Variants in MECOM observed in about 807,000 individuals in gnomAD.
MECOM encodes histone-lysine N-methyltransferase MECOM.
MECOM carries 13 observed loss-of-function variants against 116.3 expected under a neutral mutation model. That is an observed-to-expected ratio of 0.11 (90% CI 0.07 to 0.18). The LOEUF (loss-of-function observed/expected upper bound fraction) is 0.18, where lower values mean the gene tolerates loss of function less well. Among genes scored for constraint, MECOM ranks in the 10% least tolerant of loss-of-function variants. The pLI is 1.00. For missense variants in MECOM, 1,299 were observed against 1,509.0 expected, an observed-to-expected ratio of 0.86 and a Z score of 2.31; for synonymous variants, 528 against 535.2, an observed-to-expected ratio of 0.99 and a Z score of 0.19.
At chr3:169,388,323 T>A (rs1214103292) in intron 1 of MECOM, among the ~76,000 whole-genome samples, 3 of 152,188 alleles carry the variant, frequency 2.0e-5, no homozygotes, top group Non-Finnish European at 4.4e-5. Context: ...AGCAGAGGAC[T>A]TCGGGAGCCA....
intron 1 of MECOM, among the ~76,000 whole-genome samples, chr3:169,536,944 G>A (rs1294504400): frequency 3.3e-5 from 5 of 152,044 alleles, no homozygotes; most frequent in South Asian, 2.1e-4. Context: ...TATAGATGGG[G>A]AAACTGCAGC....
intron 1 of MECOM, among the ~76,000 whole-genome samples, chr3:169,465,177 C>T (rs1446180746): frequency 3.3e-5 from 5 of 152,080 alleles, no homozygotes; most frequent in African/African-American, 9.7e-5. Flanking sequence ...TTAAGACAGC[C>T]TTGTTTAAAG....
intron 2 of MECOM, chr3:169,147,770 G>C: frequency 1.0e-6 from 1 of 970,702 alleles, no homozygotes; most frequent in Non-Finnish European, 1.2e-6. Context: ...GTGTGTGAGA[G>C]AGAGAGAGAT....
At chr3:169,526,154 A>G (rs1757945911) in intron 1 of MECOM, among the ~76,000 whole-genome samples, 1 of 152,180 alleles carries the variant, frequency 6.6e-6, no homozygotes, top group Non-Finnish European at 1.5e-5. Flanking sequence ...CGAGAATTAG[A>G]TTGGATTTGA....
intron 2 of MECOM, among the ~76,000 whole-genome samples, chr3:169,284,716 G>T (rs1292352327): frequency 1.3e-5 from 2 of 152,058 alleles, no homozygotes; most frequent in African/African-American, 2.4e-5. Flanking sequence ...GGACATAGAG[G>T]TTCACAAAGC....
At chr3:169,448,531 T>C (rs1005369958) in intron 1 of MECOM, among the ~76,000 whole-genome samples, 1 of 152,190 alleles carries the variant, frequency 6.6e-6, no homozygotes, top group Non-Finnish European at 1.5e-5. Context: ...CACCTGTAAA[T>C]TTGGGATATT....
At chr3:169,652,227 T>A (rs1775009830) in intron 1 of MECOM, among the ~76,000 whole-genome samples, 1 of 152,120 alleles carries the variant, frequency 6.6e-6, no homozygotes, top group South Asian at 2.1e-4. Flanking sequence ...CTCACAGGAG[T>A]CTGGGACCCA....
chr3:169,607,181 C>T (rs894786077), intron 1 of MECOM, among the ~76,000 whole-genome samples: 5 of 152,200 alleles, frequency 3.3e-5, no homozygotes, highest in Admixed American at 1.3e-4. Context: ...TTCTCCCAAG[C>T]GCCACAGCAG....
chr3:169,398,560 T>C (rs1368358921), intron 1 of MECOM, among the ~76,000 whole-genome samples: 1 of 152,228 alleles, frequency 6.6e-6, no homozygotes. Flanking sequence ...AAAGTTCTTT[T>C]GTGACTGGTC....
chr3:169,633,990 A>C (rs886731232), intron 1 of MECOM, among the ~76,000 whole-genome samples: 1 of 151,884 alleles, frequency 6.6e-6, no homozygotes, highest in Non-Finnish European at 1.5e-5. Flanking sequence ...TCCACACCAC[A>C]GCCCTGCTGT....
intron 1 of MECOM, among the ~76,000 whole-genome samples, chr3:169,537,248 A>G (rs888043228): frequency 9.2e-5 from 14 of 152,348 alleles, no homozygotes; most frequent in African/African-American, 3.4e-4. Flanking sequence ...ATGTACCTGC[A>G]GTTATAGTTT....
rs1267676472 is a variant in MECOM, at chr3:169,663,483, T to C, written c.-111A>G. On this transcript the variant is annotated 5_prime_UTR_variant, in exon 1 of 17. Transcript: ENST00000651503. Reference sequence around the variant, plus strand: ...CCTCCCTCTCTCTCCTGTCTCTCTCTCTCTCTCTCTCTCTCTCTCTCTCTC... The same window carrying C: ...CCTCCCTCTCTCTCCTGTCTCTCTCCCTCTCTCTCTCTCTCTCTCTCTCTC... The C allele has an allele frequency of 1.3e-4, 20 of 149,142 alleles. No homozygotes were observed. Among genetic ancestry groups the C allele is most frequent in the African/African-American group, 3.0e-4 (4 of 13,454 alleles). 9.2% of individuals were successfully genotyped at this position (149,142 alleles called of 1,614,324 possible). A position where few individuals can be genotyped will look rare whatever the true frequency, so the allele number is the denominator to read the frequency against.
chr3:169,378,425 GA>G (rs1033369063), intron 2 of MECOM, among the ~76,000 whole-genome samples: 3 of 72,452 alleles, frequency 4.1e-5, no homozygotes, highest in Non-Finnish European at 7.2e-5. Context: ...AAGAAAGAAA[GA>G]AAGAAAGAAA....
chr3:169,555,942 A>C (rs1291986383), intron 1 of MECOM, among the ~76,000 whole-genome samples: 1 of 152,256 alleles, frequency 6.6e-6, no homozygotes, highest in African/African-American at 2.4e-5. Flanking sequence ...TGGGGGACTA[A>C]GTCATGAACA....
At chr3:169,497,286 C>G (rs1753924157) in intron 1 of MECOM, among the ~76,000 whole-genome samples, 1 of 152,054 alleles carries the variant, frequency 6.6e-6, no homozygotes, top group Non-Finnish European at 1.5e-5. Flanking sequence ...ACTCCCAATG[C>G]TTCTTTTGCA....
rs1165167849 is a variant in MECOM, at chr3:169,507,650, C to CTT, written c.38-126128_38-126127dup. Among the ~76,000 whole-genome samples, 145 of 57,140 alleles carry CTT rather than the reference C, an allele frequency of 2.5e-3. 25 individuals are homozygous for CTT. Among genetic ancestry groups the CTT allele is most frequent in the African/African-American group, 9.0e-3 (110 of 12,230 alleles). 37.5% of individuals were successfully genotyped at this position (57,140 alleles called of 152,430 possible). Reference sequence around the variant, plus strand: ...CAATTTTGGTTTAAATCCCCACTTGCTTTTTTTTTTTTTTTTTTTTTTTTT... The same window carrying CTT: ...CAATTTTGGTTTAAATCCCCACTTGCTTTTTTTTTTTTTTTTTTTTTTTTTTT... On this transcript the variant is annotated intron_variant, in intron 1 of 16. Coordinates refer to ENST00000651503, the MANE Select transcript of MECOM (RefSeq NM_004991.4).
chr3:169,402,261 A>T (rs949208941), intron 1 of MECOM, among the ~76,000 whole-genome samples: 1 of 152,158 alleles, frequency 6.6e-6, no homozygotes, highest in Non-Finnish European at 1.5e-5. Context: ...GGGGCTGAGG[A>T]CACAGATAGA....
At chr3:169,347,451 T>C (rs1725557279) in intron 2 of MECOM, among the ~76,000 whole-genome samples, 1 of 152,052 alleles carries the variant, frequency 6.6e-6, no homozygotes, top group Admixed American at 6.6e-5. Context: ...TTTGGAATGA[T>C]ATGCAAGATA....
chr3:169,563,680 T>C, intron 1 of MECOM, among the ~76,000 whole-genome samples: 1 of 152,148 alleles, frequency 6.6e-6, no homozygotes, highest in East Asian at 1.9e-4. Flanking sequence ...ATAGTTCCGG[T>C]GTGAAGGGTG....
Sources: gnomAD v4.1 joint callset for allele counts (sites outside exome capture counted in the v4.1 genomes callset) on GRCh38, gnomAD v4.1.1 for gene constraint, MANE v1.5 for transcripts, NCBI Gene and HGNC (gene_info 2026-07-23, HGNC 2026-07-21) for gene names.